Variants in KHDRBS2 observed in about 807,000 individuals in gnomAD.
KHDRBS2 encodes the protein KH RNA binding domain containing, signal transduction associated 2, also known as KH domain-containing, RNA-binding, signal transduction-associated protein 2.
KHDRBS2 carries 26 observed loss-of-function variants against 44.3 expected under a neutral mutation model. The observed-to-expected ratio is 0.59, with a 90% CI of 0.43 to 0.81. KHDRBS2 has a LOEUF of 0.81. Ranked by LOEUF, KHDRBS2 falls within the 40% of genes least tolerant of loss-of-function variation. The probability of loss-of-function intolerance (pLI) is 0.00; values close to 1 mark genes in which losing one functional copy is unlikely to be tolerated. For synonymous variants in KHDRBS2, 194 were observed against 151.1 expected (o/e 1.28, Z -2.08); for missense variants, 476 against 433.1 (o/e 1.10, Z -0.88).
chr6:62,088,960 T>A (rs1366372764), intron 2 of KHDRBS2, among the ~76,000 whole-genome samples: 1 of 152,096 alleles, frequency 6.6e-6, no homozygotes, highest in African/African-American at 2.4e-5. Context: ...CTACAGTGGA[T>A]TTGCCCAGTG....
chr6:61,821,962 T>C (rs1404287870), intron 6 of KHDRBS2, among the ~76,000 whole-genome samples: 1 of 151,996 alleles, frequency 6.6e-6, no homozygotes, highest in Non-Finnish European at 1.5e-5. Context: ...ACCCATTGTG[T>C]CAAATTTTCT....
At chr6:61,674,918 T>C in the KHDRBS2 span, among the ~76,000 whole-genome samples, 1 of 151,768 alleles carries the variant, frequency 6.6e-6, no homozygotes, top group Admixed American at 6.6e-5. Context: ...TATTGTTATG[T>C]AATAGAGTAC....
intron 6 of KHDRBS2, among the ~76,000 whole-genome samples, chr6:61,855,641 T>C (rs1453251275): frequency 1.3e-5 from 2 of 151,624 alleles, no homozygotes; most frequent in Non-Finnish European, 2.9e-5. Flanking sequence ...TTGTTTTGTT[T>C]TGTTTTGTTT....
intron 3 of KHDRBS2, among the ~76,000 whole-genome samples, chr6:61,984,732 T>C (rs1774696857): frequency 6.6e-6 from 1 of 152,220 alleles, no homozygotes; most frequent in Non-Finnish European, 1.5e-5. Flanking sequence ...GCCACATGAC[T>C]GTGTAAGTAA....
chr6:61,871,714 GA>G (rs1288505265), intron 6 of KHDRBS2, among the ~76,000 whole-genome samples: 1 of 152,160 alleles, frequency 6.6e-6, no homozygotes, highest in Non-Finnish European at 1.5e-5. Flanking sequence ...CATTTCTAAA[GA>G]AAAGAATTTT....
chr6:62,034,728 A>T (rs1784969325), intron 3 of KHDRBS2, among the ~76,000 whole-genome samples: 1 of 149,714 alleles, frequency 6.7e-6, no homozygotes, highest in Admixed American at 6.7e-5. Flanking sequence ...CTTTCTCCTC[A>T]AATCAGGAAG....
intron 2 of KHDRBS2, among the ~76,000 whole-genome samples, chr6:62,088,103 C>T (rs1384721006): frequency 2.6e-5 from 4 of 152,198 alleles, no homozygotes; most frequent in Non-Finnish European, 5.9e-5. Flanking sequence ...CTAACCTCTT[C>T]TCACAGTTCT....
intron 6 of KHDRBS2, among the ~76,000 whole-genome samples, chr6:61,776,533 A>T (rs943161065): frequency 1.3e-5 from 2 of 152,244 alleles, no homozygotes; most frequent in African/African-American, 4.8e-5. Context: ...GAACACATGA[A>T]AAAATGCTCA....
intron 1 of KHDRBS2, among the ~76,000 whole-genome samples, chr6:62,275,321 AT>A (rs1840754663): frequency 6.6e-6 from 1 of 152,046 alleles, no homozygotes; most frequent in South Asian, 2.1e-4. Context: ...TCTTCCCACA[AT>A]TCCTTAAAGG....
intron 2 of KHDRBS2, among the ~76,000 whole-genome samples, chr6:62,151,031 C>G (rs1332447026): frequency 6.6e-6 from 1 of 152,036 alleles, no homozygotes; most frequent in Non-Finnish European, 1.5e-5. Flanking sequence ...CGTCCCTACC[C>G]CATACTTCTA....
chr6:61,794,474 T>C (rs2127586773), intron 6 of KHDRBS2, among the ~76,000 whole-genome samples: 1 of 152,318 alleles, frequency 6.6e-6, no homozygotes, highest in East Asian at 1.9e-4. Flanking sequence ...GTTTTAGTGG[T>C]GGACAATTTT....
chr6:61,806,825 G>C (rs1159441303), intron 6 of KHDRBS2, among the ~76,000 whole-genome samples: 1 of 151,290 alleles, frequency 6.6e-6, no homozygotes, highest in African/African-American at 2.4e-5. Flanking sequence ...TTTTTATTTT[G>C]TAATTAAATA....
chr6:62,053,393 A>G (rs1239263107), intron 2 of KHDRBS2, among the ~76,000 whole-genome samples: 1 of 152,000 alleles, frequency 6.6e-6, no homozygotes, highest in Non-Finnish European at 1.5e-5. Flanking sequence ...ACTTGGCAAA[A>G]TAGTATCATA....
At chr6:61,732,799 C>T in intron 6 of KHDRBS2, 35 bp from the exon 7 acceptor site, 1 of 1,077,286 alleles carries the variant, frequency 9.3e-7, no homozygotes, top group Admixed American at 1.7e-5. Context: ...ACCTGTTAGT[C>T]AATTTGATTA....
intron 2 of KHDRBS2, among the ~76,000 whole-genome samples, chr6:62,099,072 T>C (rs1801276819): frequency 6.6e-6 from 1 of 152,216 alleles, no homozygotes; most frequent in South Asian, 2.1e-4. Context: ...TTCATTGAGT[T>C]TCCTTGAACA....
intron 3 of KHDRBS2, among the ~76,000 whole-genome samples, chr6:61,991,190 T>C (rs2127247729): frequency 6.6e-6 from 1 of 152,304 alleles, no homozygotes; most frequent in South Asian, 2.1e-4. Context: ...TTTTCACTAA[T>C]GCAAACAGAA....
intron 4 of KHDRBS2, among the ~76,000 whole-genome samples, chr6:61,949,686 T>G (rs1764342935): frequency 1.3e-5 from 2 of 152,062 alleles, no homozygotes; most frequent in African/African-American, 4.8e-5. Flanking sequence ...ATTTATAGAT[T>G]TATGTTTATA....
chr6:62,108,003 G>A (rs948940651), intron 2 of KHDRBS2, among the ~76,000 whole-genome samples: 5 of 151,892 alleles, frequency 3.3e-5, no homozygotes, highest in Admixed American at 2.6e-4. Flanking sequence ...AGAAGAAAAC[G>A]TAGGCATTAC....
intron 2 of KHDRBS2, among the ~76,000 whole-genome samples, chr6:62,155,657 A>T (rs1816195803): frequency 6.6e-6 from 1 of 152,212 alleles, no homozygotes; most frequent in South Asian, 2.1e-4. Context: ...ATTCAACTTC[A>T]TTGCTAAACT....
Sources: gnomAD v4.1 joint callset for allele counts (sites outside exome capture counted in the v4.1 genomes callset) on GRCh38, gnomAD v4.1.1 for gene constraint, MANE v1.5 for transcripts, NCBI Gene and HGNC (gene_info 2026-07-23, HGNC 2026-07-21) for gene names.